Variants in TCF4 observed in about 807,000 individuals in gnomAD.
TCF4 encodes transcription factor 4, also known as SL3-3 enhancer factor 2.
A neutral mutation model predicts 82.1 loss-of-function variants in TCF4; 3 were observed. That is an observed-to-expected ratio of 0.04 (90% CI 0.02 to 0.09). The LOEUF is 0.09. Ranked by LOEUF, TCF4 falls within the 10% of genes least tolerant of loss-of-function variation. The pLI, the probability that TCF4 is intolerant of heterozygous loss-of-function variation, is 1.00. For missense variants in TCF4, 518 were observed against 852.7 expected (o/e 0.61, Z 4.89); for synonymous variants, 276 against 309.6 (o/e 0.89, Z 1.14).
intron 8 of TCF4, among the ~76,000 whole-genome samples, chr18:55,290,752 G>A (rs535939585): frequency 2.0e-5 from 3 of 152,072 alleles, no homozygotes; most frequent in Admixed American, 6.5e-5. Context: ...CGATCAGGAA[G>A]AAAGTTGCAT....
intron 8 of TCF4, among the ~76,000 whole-genome samples, chr18:55,290,949 G>A (rs2064949743): frequency 6.6e-6 from 1 of 152,088 alleles, no homozygotes; most frequent in Non-Finnish European, 1.5e-5. Flanking sequence ...AAGCAAATTT[G>A]ACAAAATTCT....
chr18:55,326,794 A>G (rs538574230), intron 8 of TCF4, among the ~76,000 whole-genome samples: 1 of 152,332 alleles, frequency 6.6e-6, no homozygotes, highest in Admixed American at 6.5e-5. Context: ...AATTTAATTC[A>G]TAAGCTAAAT....
chr18:55,614,928 C>T (rs1257123197), intron 2 of TCF4, among the ~76,000 whole-genome samples: 1 of 151,984 alleles, frequency 6.6e-6, no homozygotes, highest in Non-Finnish European at 1.5e-5. Flanking sequence ...ATATATGTTC[C>T]AAAGTATGAA....
chr18:55,556,055 C>T (rs1249157338), intron 3 of TCF4, among the ~76,000 whole-genome samples: 1 of 152,150 alleles, frequency 6.6e-6, no homozygotes, highest in Non-Finnish European at 1.5e-5. Context: ...TTATTAACTG[C>T]ATGTGTCTTC....
chr18:55,338,498 C>T (rs1006251852), intron 8 of TCF4, among the ~76,000 whole-genome samples: 1 of 152,204 alleles, frequency 6.6e-6, no homozygotes, highest in Non-Finnish European at 1.5e-5. Context: ...ATTCTATTCA[C>T]TCCCTGCCAG....
upstream of TCF4, among the ~76,000 whole-genome samples, chr18:55,592,190 AC>A: frequency 6.6e-6 from 1 of 152,098 alleles, no homozygotes; most frequent in African/African-American, 2.4e-5. Context: ...CAATTTGCAG[AC>A]TCCCTTGCCT....
intron 5 of TCF4, among the ~76,000 whole-genome samples, chr18:55,451,946 C>G (rs542545104): frequency 2.6e-4 from 40 of 152,282 alleles, no homozygotes; most frequent in African/African-American, 8.9e-4. Flanking sequence ...TTTGAAGATG[C>G]AGTGAGCTAT....
chr18:55,563,026 G>C (rs1381229218), intron 3 of TCF4, among the ~76,000 whole-genome samples: 1 of 152,062 alleles, frequency 6.6e-6, no homozygotes, highest in Non-Finnish European at 1.5e-5. Flanking sequence ...GATCACTTGA[G>C]CCTACGAGTT....
At chr18:55,264,588 A>C (rs1207130789) in intron 11 of TCF4, 2 of 150,830 alleles carry the variant, frequency 1.3e-5, no homozygotes, top group Non-Finnish European at 3.0e-5. Flanking sequence ...CAAGTGGCAG[A>C]ATTTTTTTTT....
intron 5 of TCF4, among the ~76,000 whole-genome samples, chr18:55,456,757 T>C (rs1304766112): frequency 6.6e-6 from 1 of 152,188 alleles, no homozygotes; most frequent in African/African-American, 2.4e-5. Context: ...ATTCTCAAAC[T>C]ATTCCATAGC....
At chr18:55,433,899 C>T (rs747791840) in intron 5 of TCF4, among the ~76,000 whole-genome samples, 7 of 152,098 alleles carry the variant, frequency 4.6e-5, no homozygotes, top group Non-Finnish European at 1.0e-4. Context: ...ACTGACAGAG[C>T]CATTTCCTCT....
At chr18:55,631,399 G>A in intron 1 of TCF4, 2 of 1,545,940 alleles carry the variant, frequency 1.3e-6, no homozygotes, top group Non-Finnish European at 1.7e-6. Flanking sequence ...CTGCAGGGTG[G>A]AGAAAAGATG....
chr18:55,515,172 A>G (rs1568288608), intron 3 of TCF4, among the ~76,000 whole-genome samples: 2 of 152,214 alleles, frequency 1.3e-5, no homozygotes, highest in African/African-American at 4.8e-5. Context: ...AAACAAAGTT[A>G]AAAGACCTAA....
At chr18:55,247,086 A>C (rs1568425062) in intron 15 of TCF4, among the ~76,000 whole-genome samples, 1 of 152,314 alleles carries the variant, frequency 6.6e-6, no homozygotes, top group East Asian at 1.9e-4. Flanking sequence ...AACGCTACGG[A>C]CAAAATGAGC....
chr18:55,575,124 A>T (rs2057606418), intron 3 of TCF4, among the ~76,000 whole-genome samples: 1 of 152,226 alleles, frequency 6.6e-6, no homozygotes, highest in Non-Finnish European at 1.5e-5. Context: ...AATTGTTCAA[A>T]ATGAGCCAGA....
rs1394217787 is a variant in TCF4 at position 55,575,938 on chromosome 18, A to G, written c.145+9342T>C. 3.3e-5 allele frequency among the ~76,000 whole-genome samples: 5 copies of G among 152,228 alleles called. No homozygotes were observed. The East Asian group carries it at 9.6e-4, about 29-fold the overall frequency. On this transcript the variant is annotated intron_variant, in intron 3 of 19. Coordinates refer to ENST00000354452, the MANE Select transcript of TCF4 (RefSeq NM_001083962.2). Reference sequence around the variant, plus strand: ...TTTCTCAATATATAATATGGCAAAGATAACTATCACATTTCCATTCCAGCT... The same window carrying G: ...TTTCTCAATATATAATATGGCAAAGGTAACTATCACATTTCCATTCCAGCT...
intron 3 of TCF4, among the ~76,000 whole-genome samples, chr18:55,493,078 G>A (rs896721242): frequency 1.3e-5 from 2 of 152,098 alleles, no homozygotes; most frequent in Admixed American, 1.3e-4. Context: ...TAAAATACTC[G>A]GGTAGAGGAC....
chr18:55,295,949 T>C (rs1360950437), intron 8 of TCF4, among the ~76,000 whole-genome samples: 2 of 152,198 alleles, frequency 1.3e-5, no homozygotes, highest in Non-Finnish European at 2.9e-5. Flanking sequence ...GTCTAGGTTT[T>C]AATAGTCTGT....
intron 3 of TCF4, among the ~76,000 whole-genome samples, chr18:55,524,017 G>A (rs1331423986): frequency 4.6e-5 from 7 of 151,982 alleles, no homozygotes; most frequent in South Asian, 2.1e-4. Flanking sequence ...AGGTATTGCC[G>A]AAATCAATCT....
Sources: gnomAD v4.1 joint callset for allele counts (sites outside exome capture counted in the v4.1 genomes callset) on GRCh38, gnomAD v4.1.1 for gene constraint, MANE v1.5 for transcripts, NCBI Gene and HGNC (gene_info 2026-07-23, HGNC 2026-07-21) for gene names.